The following DNAJC13 variants were observed in gnomAD, a reference collection of about 807,000 sequenced individuals.
DNAJC13 encodes dnaJ homolog subfamily C member 13.
Under a neutral mutation model 290.5 loss-of-function variants are expected in DNAJC13, and 75 were observed. The observed-to-expected ratio is 0.26, with a 90% CI of 0.21 to 0.31. The LOEUF (loss-of-function observed/expected upper bound fraction) is 0.31, where lower values mean the gene tolerates loss of function less well. DNAJC13 is among the 10% of genes least tolerant of loss of function. DNAJC13 has a pLI of 1.00. For missense variants in DNAJC13, 2,260 were observed against 2,674.5 expected (o/e 0.85, Z 3.42); for synonymous variants, 862 against 892.0 (o/e 0.97, Z 0.60).
chr3:132,418,049 C>T lies in DNAJC13; in HGVS notation c.-14+289C>T, dbSNP rs138573180. Among the ~76,000 whole-genome samples, 194 of 152,176 alleles carry T rather than the reference C, an allele frequency of 1.3e-3. 2 individuals carry two copies. In the East Asian group the frequency reaches 0.029, roughly 23 times the overall value. On this transcript the variant is annotated intron_variant, in intron 1 of 55. Transcript: ENST00000260818. ...CGCTCCTCCACTCGCCTTAACATAT[C>T]CTTACCCCACAGGCTCTTCATTCCC...
Position 132,424,724 on chromosome 3 carries a change from C to T in DNAJC13, c.-14+6964C>T, listed in dbSNP as rs117447132. Among the ~76,000 whole-genome samples, 68 of 152,082 alleles carry T rather than the reference C, an allele frequency of 4.5e-4. 2 individuals carry two copies. In the East Asian group the frequency reaches 0.012, roughly 27 times the overall value. ...ACCGCTGGCTTTTTTTATTCTTCAA[C>T]GACATCTATCTCTGGAGGTATCGGG... On this transcript the variant is annotated intron_variant, in intron 1 of 55. Coordinates refer to ENST00000260818, the MANE Select transcript of DNAJC13 (RefSeq NM_015268.4).
At chr3:132,464,540 C>T (rs980945966) in intron 17 of DNAJC13, among the ~76,000 whole-genome samples, 1 of 152,076 alleles carries the variant, frequency 6.6e-6, no homozygotes, top group South Asian at 2.1e-4. Flanking sequence ...TAGTTTGTTA[C>T]AATACTGTAC....
chr3:132,514,763 C>A, intron 46 of DNAJC13, 93 bp downstream of exon 46: 1 of 854,458 alleles, frequency 1.2e-6, no homozygotes, highest in South Asian at 1.5e-5. Context: ...AAACAAATGT[C>A]ATCTATGTTT....
At chr3:132,422,911 C>T (rs1938999063) in intron 1 of DNAJC13, among the ~76,000 whole-genome samples, 1 of 152,192 alleles carries the variant, frequency 6.6e-6, no homozygotes, top group African/African-American at 2.4e-5. Flanking sequence ...TGCCTAGTCA[C>T]ATATTTAGCA....
rs536653802 is a variant in DNAJC13 at position 132,513,021 on chromosome 3, A to G, written c.5307A>G (p.Glu1769=). Residue 1769 remains glutamate (E), a synonymous_variant, in exon 45 of 56, where the codon GAA becomes GAG. Coordinates refer to ENST00000260818, the MANE Select transcript of DNAJC13 (RefSeq NM_015268.4). ...CTTATTCTCTAGGTTCTGAGAGTGA[A>G]TGCATTGGGCACTTTAAGTTGATAT... is the stretch of plus-strand genomic sequence containing the variant. ...VIKYNPGSES[E]CIGHFKLIFS... 5 of 1,612,860 alleles carry G rather than the reference A, an allele frequency of 3.1e-6. No individual in the cohort carries two copies. In the South Asian group the frequency reaches 4.4e-5, roughly 14 times the overall value.
chr3:132,424,746 C>CG (rs1939047388), intron 1 of DNAJC13, among the ~76,000 whole-genome samples: 1 of 151,938 alleles, frequency 6.6e-6, no homozygotes, highest in Non-Finnish European at 1.5e-5. Context: ...CTGGAGGTAT[C>CG]GGGTTCTTCA....
chr3:132,431,149 T>G (rs568997735), intron 1 of DNAJC13, among the ~76,000 whole-genome samples: 177 of 152,334 alleles, frequency 1.2e-3, no homozygotes, highest in African/African-American at 3.8e-3. Context: ...GCCCATGTAT[T>G]TGCTGAATTT....
intron 27 of DNAJC13, 54 bp downstream of exon 27, chr3:132,482,384 CTGCTTAGCACTT>C: frequency 1.5e-6 from 2 of 1,372,122 alleles, no homozygotes; most frequent in African/African-American, 2.9e-5. Context: ...TTATGCCCTC[CTGCTTAGCACTT>C]ACAGAGGCGT....
chr3:132,495,798 C>T (rs1400035880), intron 35 of DNAJC13, among the ~76,000 whole-genome samples: 3 of 152,064 alleles, frequency 2.0e-5, no homozygotes, highest in African/African-American at 7.2e-5. Context: ...AAAGATCTGA[C>T]TTTCATATGT....
At chr3:132,503,786 C>A (rs1319419976) in intron 41 of DNAJC13, among the ~76,000 whole-genome samples, 1 of 152,142 alleles carries the variant, frequency 6.6e-6, no homozygotes, top group Non-Finnish European at 1.5e-5. Flanking sequence ...TAAATACATA[C>A]ATGCACATAT....
chr3:132,501,581 A>AG (rs1023962888), intron 39 of DNAJC13, among the ~76,000 whole-genome samples: 3 of 151,796 alleles, frequency 2.0e-5, no homozygotes, highest in African/African-American at 7.3e-5. Context: ...AAAAAAAAAA[A>AG]GAAAAAAAAA....
intron 1 of DNAJC13, among the ~76,000 whole-genome samples, chr3:132,421,060 A>T (rs1938945495): frequency 6.6e-6 from 1 of 152,250 alleles, no homozygotes; most frequent in Non-Finnish European, 1.5e-5. Flanking sequence ...TGCAGTGAGC[A>T]TTGGATGGAG....
intron 47 of DNAJC13, 22 bp downstream of exon 47, chr3:132,516,518 T>C (rs1171994542): frequency 6.2e-7 from 1 of 1,609,846 alleles, no homozygotes; most frequent in Admixed American, 1.7e-5. Flanking sequence ...AGTGCTTTCT[T>C]AGCTAGTCAT....
Position 132,471,552 on chromosome 3 carries a change from C to T in DNAJC13, c.2209-1593C>T, listed in dbSNP as rs1212902045. On this transcript the variant is annotated intron_variant, in intron 20 of 55. Transcript: ENST00000260818. ...GACGGGGCGGCCGGGCAGAGACGCT[C>T]CTCACCTCCCAGATGGGGTCTCGGC... Among the ~76,000 whole-genome samples the T allele has an allele frequency of 1.4e-5, 2 of 139,302 alleles. 1 individual carries two copies. Among genetic ancestry groups the T allele is most frequent in the Non-Finnish European group, 3.1e-5 (2 of 63,786 alleles). The allele number at this position is 139,302 out of a possible 152,430, so 91.4% of individuals were successfully genotyped here.
At chr3:132,487,985 G>T (rs1381018613) in intron 29 of DNAJC13, among the ~76,000 whole-genome samples, 1 of 152,106 alleles carries the variant, frequency 6.6e-6, no homozygotes, top group Non-Finnish European at 1.5e-5. Flanking sequence ...AACAAACCGA[G>T]AAGTCTTTTT....
At chr3:132,435,070 A>C (rs1939352462) in intron 2 of DNAJC13, among the ~76,000 whole-genome samples, 3 of 152,182 alleles carry the variant, frequency 2.0e-5, no homozygotes, top group Admixed American at 2.0e-4. Context: ...AATTGGGTTT[A>C]ATATATTTTC....
At chr3:132,469,963 CT>C (rs61726289) in intron 20 of DNAJC13, among the ~76,000 whole-genome samples, 237 of 61,092 alleles carry the variant, frequency 3.9e-3, no homozygotes, top group South Asian at 5.7e-3. Context: ...AGCAGAGATT[CT>C]TTTTTTTTTT....
At position 132,527,482 on chromosome 3, in the gene DNAJC13, T is replaced by G. The variant is rs539097382; in HGVS notation, c.6382-707T>G. 5.9e-5 allele frequency among the ~76,000 whole-genome samples: 9 copies of G among 152,304 alleles called. No homozygotes were observed. In the East Asian group the frequency reaches 1.7e-3, roughly 29 times the overall value. On this transcript the variant is annotated intron_variant, in intron 53 of 55. Transcript: ENST00000260818. ...TCTAAGGTTCAGACTTATGATTGGC[T>G]TGAGGAGTTTGATGTGTAGGAAAGA...
chr3:132,511,350 A>G (rs1387702550), intron 44 of DNAJC13, 106 bp downstream of exon 44: 3 of 1,293,668 alleles, frequency 2.3e-6, no homozygotes, highest in Non-Finnish European at 3.2e-6. Context: ...ATACTTGGTT[A>G]TAATGTATTA....
Sources: gnomAD v4.1 joint callset for allele counts (sites outside exome capture counted in the v4.1 genomes callset) on GRCh38, gnomAD v4.1.1 for gene constraint, MANE v1.5 for transcripts, NCBI Gene and HGNC (gene_info 2026-07-23, HGNC 2026-07-21) for gene names.